Variants in FBN1 observed in about 807,000 individuals in gnomAD.
FBN1 encodes fibrillin-1.
Under a neutral mutation model 365.1 loss-of-function variants are expected in FBN1, and 29 were observed. That is an observed-to-expected ratio of 0.08 (90% CI 0.06 to 0.11). The LOEUF is 0.11. Among genes scored for constraint, FBN1 ranks in the 10% least tolerant of loss-of-function variants. FBN1 has a pLI of 1.00. For synonymous variants in FBN1, 1,210 were observed against 1,270.5 expected (o/e 0.95, Z 1.01); for missense variants, 2,476 against 3,703.2 (o/e 0.67, Z 8.60).
chr15:48,522,822 T>C (rs2043870610), intron 9 of FBN1, among the ~76,000 whole-genome samples: 1 of 152,224 alleles, frequency 6.6e-6, no homozygotes, highest in Non-Finnish European at 1.5e-5. Context: ...TTCCGAAAAG[T>C]ACTTAAAACC....
chr15:48,474,499 T>A (rs1210388509), intron 33 of FBN1, 29 bp downstream of exon 33: 2 of 1,614,160 alleles, frequency 1.2e-6, no homozygotes, highest in East Asian at 4.5e-5. Context: ...CAGTCCTTGA[T>A]AAGCAACCTC....
intron 2 of FBN1, among the ~76,000 whole-genome samples, chr15:48,635,472 A>G (rs546266460): frequency 4.5e-4 from 69 of 152,166 alleles, no homozygotes; most frequent in African/African-American, 1.6e-3. Flanking sequence ...TCAGCTCATT[A>G]CAACACCAAT....
At chr15:48,435,764 A>ATATATATG (rs2043064934) in intron 53 of FBN1, among the ~76,000 whole-genome samples, 1 of 21,300 alleles carries the variant, frequency 4.7e-5, no homozygotes, top group African/African-American at 1.0e-4. Flanking sequence ...GTGTATATAT[A>ATATATATG]TGTGTATATG....
At chr15:48,603,820 C>T (rs1173596691) in intron 4 of FBN1, among the ~76,000 whole-genome samples, 2 of 152,196 alleles carry the variant, frequency 1.3e-5, no homozygotes, top group African/African-American at 4.8e-5. Flanking sequence ...GCAGTGAACC[C>T]TGAGTGTCCT....
rs4775763 is a variant in FBN1 at position 48,455,182 on chromosome 15, A to G, written c.5422+1455T>C. On this transcript the variant is annotated intron_variant, in intron 44 of 65. Transcript: ENST00000316623. ...GATTAAACATTCACCCTGAAGACGG[A>G]TATTCTGTGAAATGGAAATCAGAAG... is the stretch of plus-strand genomic sequence containing the variant. Among the ~76,000 whole-genome samples, 1,437 of 152,336 alleles carry G rather than the reference A, an allele frequency of 9.4e-3. 51 individuals are homozygous for G. The highest frequency in any genetic ancestry group is 0.076 in the Admixed American group (1,156 of 15,300).
chr15:48,614,305 T>G (rs1315504477), intron 2 of FBN1, among the ~76,000 whole-genome samples: 1 of 152,242 alleles, frequency 6.6e-6, no homozygotes, highest in Non-Finnish European at 1.5e-5. Context: ...GTATAAACAC[T>G]GTAAACCCAA....
chr15:48,474,252 T>C lies in FBN1; in HGVS notation c.4210+3A>G, dbSNP rs1457293645. On this transcript the variant is annotated splice_donor_region_variant and intron_variant, in intron 34 of 65. Transcript: ENST00000316623. ...GACACAGTTGTTTCCAGCGTGAACATACCTGTACAAGTGAAGCCATCACCT... is the reference window on the plus strand; with the variant it reads ...GACACAGTTGTTTCCAGCGTGAACACACCTGTACAAGTGAAGCCATCACCT... The C allele has an allele frequency of 1.2e-6, 2 of 1,614,106 alleles. No homozygotes were observed. Among genetic ancestry groups the C allele is most frequent in the African/African-American group, 1.3e-5 (1 of 75,046 alleles).
chr15:48,501,638 G>C (rs756685519), intron 17 of FBN1, among the ~76,000 whole-genome samples: 25 of 152,132 alleles, frequency 1.6e-4, no homozygotes, highest in Non-Finnish European at 1.8e-4. Flanking sequence ...AGTGCACTTG[G>C]TCCAGAGGAA....
chr15:48,414,962 GTT>G (rs1188186774), intron 64 of FBN1, among the ~76,000 whole-genome samples: 9 of 151,300 alleles, frequency 5.9e-5, no homozygotes, highest in African/African-American at 2.2e-4. Context: ...TTGGTGAAGT[GTT>G]TTTTTTGTTT....
intron 6 of FBN1, among the ~76,000 whole-genome samples, chr15:48,580,121 T>A (rs762390035): frequency 6.6e-6 from 1 of 152,134 alleles, no homozygotes; most frequent in Non-Finnish European, 1.5e-5. Context: ...TCCTTCCTTG[T>A]CCAGTTTTTC....
At chr15:48,601,353 C>T (rs1476784816) in intron 4 of FBN1, among the ~76,000 whole-genome samples, 1 of 152,204 alleles carries the variant, frequency 6.6e-6, no homozygotes, top group African/African-American at 2.4e-5. Context: ...TAGTCCAAAG[C>T]TTGATTGAAT....
Position 48,589,276 on chromosome 15 carries a change from C to G in FBN1, c.538+7007G>C, listed in dbSNP as rs190441397. On this transcript the variant is annotated intron_variant, in intron 6 of 65. Coordinates refer to ENST00000316623, the MANE Select transcript of FBN1 (RefSeq NM_000138.5). ...CAGACCAGATGATTTCATCTACCAG[C>G]AGGAGAAGAAGTAGCCTACAAAGTG... 2.9e-3 allele frequency among the ~76,000 whole-genome samples: 443 copies of G among 152,274 alleles called. 3 individuals carry two copies. The highest frequency in any genetic ancestry group is 0.01 in the African/African-American group (428 of 41,550).
intron 12 of FBN1, 60 bp from the exon 13 acceptor site, chr15:48,513,728 C>T: frequency 6.3e-7 from 1 of 1,597,026 alleles, no homozygotes; most frequent in Non-Finnish European, 8.6e-7. Flanking sequence ...AATTCTAAGA[C>T]TTTCTGGGTT....
chr15:48,608,180 C>T (rs938096987), intron 4 of FBN1, among the ~76,000 whole-genome samples: 1 of 152,176 alleles, frequency 6.6e-6, no homozygotes, highest in Non-Finnish European at 1.5e-5. Context: ...AGTCAAAAAC[C>T]ACCTGAAAGA....
At chr15:48,556,694 A>C (rs1263989216) in intron 6 of FBN1, among the ~76,000 whole-genome samples, 1 of 152,184 alleles carries the variant, frequency 6.6e-6, no homozygotes, top group African/African-American at 2.4e-5. Flanking sequence ...GTGGACACAG[A>C]AAGTTCTGAC....
chr15:48,541,232 G>C (rs1374887481), intron 6 of FBN1, among the ~76,000 whole-genome samples: 1 of 152,114 alleles, frequency 6.6e-6, no homozygotes, highest in Non-Finnish European at 1.5e-5. Flanking sequence ...CATCCCAACA[G>C]TCCACAGGGA....
intron 6 of FBN1, among the ~76,000 whole-genome samples, chr15:48,580,525 C>T (rs543739419): frequency 9.9e-5 from 15 of 152,246 alleles, no homozygotes; most frequent in African/African-American, 2.9e-4. Flanking sequence ...GCTCAGTCTA[C>T]GAATGGCAGA....
Position 48,513,666 on chromosome 15 carries a change from C to A in FBN1, c.1471G>T (p.Val491Phe), listed in dbSNP as rs373751659. The A allele has an allele frequency of 1.2e-6, 2 of 1,613,944 alleles. No homozygotes were observed. The highest frequency in any genetic ancestry group is 2.2e-5 in the South Asian group (2 of 91,084). ...CAGGGGTTTTTCTCACATTCATCAA[C>A]ATCTGCAAAGCACAATGTATTTTAG... The part of the protein sequence containing the change: ...QLDLRGECID[V>F]DECEKNPCAG... The change falls in exon 13 of 66, where the codon GTT becomes TTT. Residue 491 changes from valine (V) to phenylalanine (F), a missense_variant and splice_region_variant. By Grantham distance (50) the Val-to-Phe change is conservative. Transcript: ENST00000316623.
chr15:48,446,933 G>A, intron 46 of FBN1, 111 bp from the exon 47 acceptor site: 1 of 728,842 alleles, frequency 1.4e-6, no homozygotes, highest in Non-Finnish European at 2.5e-6. Context: ...TCCATAGGCT[G>A]AGAACTTCTT....
Sources: allele counts gnomAD v4.1 joint callset (sites outside exome capture counted in the v4.1 genomes callset), GRCh38; gene constraint gnomAD v4.1.1; transcripts MANE v1.5; gene names NCBI Gene and HGNC (gene_info 2026-07-23, HGNC 2026-07-21).